Variants in OTUD7B observed in about 807,000 individuals in gnomAD.
OTUD7B encodes OTU deubiquitinase 7B.
Under a neutral mutation model 82.2 loss-of-function variants are expected in OTUD7B, and 34 were observed. That is an observed-to-expected ratio of 0.41 (90% CI 0.31 to 0.55). OTUD7B has a LOEUF of 0.55. Ranked by LOEUF, OTUD7B falls within the 20% of genes least tolerant of loss-of-function variation. The probability of loss-of-function intolerance (pLI) is 0.20; values close to 1 mark genes in which losing one functional copy is unlikely to be tolerated. For synonymous variants in OTUD7B, 398 were observed against 402.7 expected, an observed-to-expected ratio of 0.99 and a Z score of 0.14; for missense variants, 944 against 1,062.1, an observed-to-expected ratio of 0.89 and a Z score of 1.55.
chr1:150,010,276 A>C (rs782810614), intron 1 of OTUD7B, among the ~76,000 whole-genome samples, 172 bp downstream of exon 1: 1 of 152,040 alleles, frequency 6.6e-6, no homozygotes, highest in African/African-American at 2.4e-5. Context: ...GGGACGAAGC[A>C]AGGAGCAGTC....
intron 1 of OTUD7B, among the ~76,000 whole-genome samples, chr1:149,994,264 T>C (rs1651778785): frequency 2.0e-5 from 3 of 152,100 alleles, no homozygotes; most frequent in Admixed American, 2.0e-4. Flanking sequence ...AAAGGAAATA[T>C]CATAGGCAAT....
intron 6 of OTUD7B, chr1:149,962,570 A>G (rs1269181178): frequency 6.6e-6 from 1 of 152,222 alleles, no homozygotes; most frequent in Non-Finnish European, 1.5e-5. Context: ...TGACTTTGAG[A>G]GGGAAAGGCT....
At chr1:150,055,236 C>T in the OTUD7B span, among the ~76,000 whole-genome samples, 235 of 152,102 alleles carry the variant, frequency 1.5e-3, no homozygotes, top group African/African-American at 5.6e-3. Flanking sequence ...GACGGGGTTT[C>T]ACCGTGTTAG....
intron 1 of OTUD7B, among the ~76,000 whole-genome samples, chr1:149,980,844 C>T (rs73011906): frequency 0.021 from 3,189 of 152,098 alleles, 91 homozygotes; most frequent in African/African-American, 0.07. Flanking sequence ...GGGACCCTGT[C>T]TCTAAAAACC....
intron 3 of OTUD7B, among the ~76,000 whole-genome samples, chr1:149,968,924 G>A (rs1223731174): frequency 1.3e-5 from 2 of 151,968 alleles, no homozygotes; most frequent in Admixed American, 6.6e-5. Context: ...ACATTGGTCA[G>A]GCTGTTCTCC....
chr1:150,062,717 T>TTC, the OTUD7B span, among the ~76,000 whole-genome samples: 1 of 142,226 alleles, frequency 7.0e-6, no homozygotes, highest in East Asian at 2.0e-4. Context: ...TCTTTTTTTT[T>TTC]TTTTTTTTTT....
chr1:149,963,079 T>C (rs587742559), intron 6 of OTUD7B: 1 of 152,306 alleles, frequency 6.6e-6, no homozygotes, highest in Non-Finnish European at 1.5e-5. Context: ...GGAAGAAACA[T>C]AGCATGTTCT....
chr1:150,056,358 T>A, the OTUD7B span, among the ~76,000 whole-genome samples: 14 of 152,322 alleles, frequency 9.2e-5, no homozygotes, highest in South Asian at 6.2e-4. Context: ...CTAAAATTCA[T>A]CTCATGAATT....
intron 6 of OTUD7B, among the ~76,000 whole-genome samples, 193 bp from the exon 7 acceptor site, chr1:149,959,989 C>T (rs587743317): frequency 6.6e-6 from 1 of 152,218 alleles, no homozygotes; most frequent in South Asian, 2.1e-4. Flanking sequence ...GACTATTAAA[C>T]TTCTTTATCA....
At chr1:150,020,905 G>T in the OTUD7B span, among the ~76,000 whole-genome samples, 1 of 152,134 alleles carries the variant, frequency 6.6e-6, no homozygotes, top group Non-Finnish European at 1.5e-5. Flanking sequence ...ACAGGGTGTG[G>T]ATCTTTGACC....
At chr1:149,947,175 C>G in intron 11 of OTUD7B, 76 bp downstream of exon 11, 1 of 830,182 alleles carries the variant, frequency 1.2e-6, no homozygotes, top group Non-Finnish European at 2.1e-6. Flanking sequence ...CAGAAGGAAA[C>G]CATCCCAGAT....
intron 1 of OTUD7B, among the ~76,000 whole-genome samples, chr1:149,996,445 T>A (rs74126205): frequency 6.6e-6 from 1 of 152,218 alleles, no homozygotes; most frequent in African/African-American, 2.4e-5. Flanking sequence ...ACATCCAATA[T>A]ATGTAAACAG....
the OTUD7B span, among the ~76,000 whole-genome samples, chr1:150,015,732 G>C: frequency 6.0e-5 from 9 of 150,630 alleles, no homozygotes; most frequent in Non-Finnish European, 1.3e-4. Flanking sequence ...TTAGGTTCAA[G>C]TAACCAGCCT....
intron 2 of OTUD7B, among the ~76,000 whole-genome samples, chr1:149,973,749 G>T (rs1284915195): frequency 1.3e-5 from 2 of 152,014 alleles, no homozygotes; most frequent in Non-Finnish European, 2.9e-5. Context: ...GCCTCCCAAA[G>T]TGCTGGGGTT....
At chr1:149,949,112 A>T (rs782373403) in intron 9 of OTUD7B, 29 bp from the exon 10 acceptor site, 1 of 1,356,926 alleles carries the variant, frequency 7.4e-7, no homozygotes, top group African/African-American at 1.4e-5. Flanking sequence ...ATCATCAAGG[A>T]ATCTCCTTAA....
At chr1:150,041,143 A>AT in the OTUD7B span, among the ~76,000 whole-genome samples, 1 of 151,780 alleles carries the variant, frequency 6.6e-6, no homozygotes, top group Non-Finnish European at 1.5e-5. Flanking sequence ...TTCTTCAATA[A>AT]TTTTTTTTAA....
At chr1:149,987,867 T>C (rs1651260153) in intron 1 of OTUD7B, among the ~76,000 whole-genome samples, 1 of 152,152 alleles carries the variant, frequency 6.6e-6, no homozygotes, top group African/African-American at 2.4e-5. Context: ...AAAAGAAAAG[T>C]GTCTGTCCCT....
chr1:149,943,564 T>A lies in OTUD7B; in HGVS notation c.*293A>T. ...CCCCTGCTACTTTCTCTTAGGTCCC[T>A]GGATGGGACCCAGGAGGTTATAAGA... On this transcript the variant is annotated 3_prime_UTR_variant, in exon 12 of 12. Transcript: ENST00000581312. 1.3e-4 allele frequency: 36 copies of A among 269,758 alleles called. No homozygotes were observed. Among genetic ancestry groups the A allele is most frequent in the Middle Eastern group, 1.2e-3 (1 of 848 alleles). The allele number at this position is 269,758 out of a possible 1,614,324, so 16.7% of individuals were successfully genotyped here.
At chr1:150,038,914 C>G in the OTUD7B span, among the ~76,000 whole-genome samples, 3 of 152,034 alleles carry the variant, frequency 2.0e-5, no homozygotes, top group Non-Finnish European at 4.4e-5. Context: ...GGGAATCTAC[C>G]TTTATTTAGT....
Sources: allele counts gnomAD v4.1 joint callset (sites outside exome capture counted in the v4.1 genomes callset), GRCh38; gene constraint gnomAD v4.1.1; transcripts MANE v1.5; gene names NCBI Gene and HGNC (gene_info 2026-07-23, HGNC 2026-07-21).